The following TRIM62 variants were observed in gnomAD, a reference collection of about 807,000 sequenced individuals.
The protein encoded by TRIM62 is tripartite motif containing 62.
TRIM62 carries 39 observed loss-of-function variants against 44.2 expected under a neutral mutation model. The observed-to-expected ratio is 0.88, with a 90% CI of 0.68 to 1.15. The LOEUF is 1.15. TRIM62 is among the 50% of genes most tolerant of loss of function. The pLI is 0.00. For missense variants in TRIM62, 544 were observed against 665.5 expected (o/e 0.82, Z 2.01); for synonymous variants, 278 against 292.3 (o/e 0.95, Z 0.50).
In TRIM62 at chr1:33,158,276, G is replaced by A. The variant is rs759143672; in HGVS notation, c.854C>T (p.Ser285Phe). 1 of 1,614,034 alleles carries A rather than the reference G, an allele frequency of 6.2e-7. No homozygotes were observed. The highest frequency in any genetic ancestry group is 8.5e-7 in the Non-Finnish European group (1 of 1,179,916). The change falls in exon 4 of 5, where the codon TCC becomes TTC. Residue 285 changes from serine (S) to phenylalanine (F), a missense_variant. Coordinates refer to ENST00000291416, the MANE Select transcript of TRIM62 (RefSeq NM_018207.3). ...ACCTGGGTGGATGTCCTGGAACAGG[G>A]ACTTCCAGATGGTGTACTGCAGGGG... ...TGPLQYTIWKSLFQDIHPVPA... is the reference protein window; with the variant it reads ...TGPLQYTIWKFLFQDIHPVPA...
At chr1:33,158,428 G>T in intron 3 of TRIM62, 60 bp from the exon 4 acceptor site, 5 of 1,459,618 alleles carry the variant, frequency 3.4e-6, no homozygotes, top group Non-Finnish European at 3.8e-6. Context: ...CCAATGCCAG[G>T]GGCCCCGCAG....
chr1:33,147,072 G>T lies in TRIM62; in HGVS notation c.*105C>A. 1 of 1,291,440 alleles carries T rather than the reference G, an allele frequency of 7.7e-7. No individual in the cohort carries two copies. Among genetic ancestry groups the T allele is most frequent in the Non-Finnish European group, 1.1e-6 (1 of 926,896 alleles). 80.0% of individuals were successfully genotyped at this position (1,291,440 alleles called of 1,614,324 possible). ...CTGGAGGGTAAACAACTGGCCTGAG[G>T]TCTCCAGTGGCCACGGTGGGCTGGA... On this transcript the variant is annotated 3_prime_UTR_variant, in exon 5 of 5. Coordinates refer to ENST00000291416, the MANE Select transcript of TRIM62 (RefSeq NM_018207.3). The surrounding 1 kb of genome is among the most constrained non-coding windows in gnomAD (Gnocchi z 8.1).
In TRIM62 at chr1:33,174,905, G is replaced by GTA. The variant is rs1280095431; in HGVS notation, c.408+6118_408+6119dup. The stretch of plus-strand genomic sequence containing the variant: ...GGCTAAAGAAATTATGTGTGTGTGT[G>GTA]TATATATATATATACACACACACAC... On this transcript the variant is annotated intron_variant, in intron 1 of 4. Transcript: ENST00000291416. Among the ~76,000 whole-genome samples, 77 of 147,452 alleles carry GTA rather than the reference G, an allele frequency of 5.2e-4. 1 individual carries two copies. The highest frequency in any genetic ancestry group is 4.0e-3 in the East Asian group (20 of 5,014).
rs1381509740 is a variant in TRIM62 at position 33,167,521 on chromosome 1, A to G, written c.409-1955T>C. Among the ~76,000 whole-genome samples, 1 of 152,094 alleles carries G rather than the reference A, an allele frequency of 6.6e-6. No homozygotes were observed. The highest frequency in any genetic ancestry group is 2.4e-5 in the African/African-American group (1 of 41,424). On this transcript the variant is annotated intron_variant, in intron 1 of 4. Coordinates refer to ENST00000291416, the MANE Select transcript of TRIM62 (RefSeq NM_018207.3). This position sits in a 1 kb window ranked among gnomAD's most constrained non-coding sequence, Gnocchi z 4.2. The stretch of plus-strand genomic sequence containing the variant: ...CTCTTCTTCGTCCCCGTATTGGCCC[A>G]CAAGTCCTCCAGGGTGGCTCCTACT...
chr1:33,154,848 C>G (rs1025488873), intron 4 of TRIM62, among the ~76,000 whole-genome samples: 1 of 150,784 alleles, frequency 6.6e-6, no homozygotes, highest in African/African-American at 2.4e-5. Context: ...AATCCCAGCA[C>G]TTTGGGAGGC....
At chr1:33,179,988 T>TTTTG (rs201963003) in intron 1 of TRIM62, among the ~76,000 whole-genome samples, 7 of 152,120 alleles carry the variant, frequency 4.6e-5, no homozygotes, top group Non-Finnish European at 8.8e-5. Flanking sequence ...GTTCTAATGT[T>TTTTG]TTTGTTTGTT....
rs1245317100 is a variant in TRIM62, at chr1:33,145,718, A to G, written c.*1459T>C. The G allele has an allele frequency of 2.7e-6, 1 of 369,888 alleles. No individual in the cohort carries two copies. The highest frequency in any genetic ancestry group is 5.5e-6 in the Non-Finnish European group (1 of 182,084). 22.9% of individuals were successfully genotyped at this position (369,888 alleles called of 1,614,324 possible). On this transcript the variant is annotated 3_prime_UTR_variant, in exon 5 of 5. Transcript: ENST00000291416. ...GCTCAGTCTTGCAGCCCACTCCTCC[A>G]GTTCCCACCTCTGGGCAGGGATAGA...
rs370155737 is a variant in TRIM62 at position 33,167,735 on chromosome 1, C to G, written c.409-2169G>C. 6.6e-6 allele frequency among the ~76,000 whole-genome samples: 1 copy of G among 152,202 alleles called. No individual in the cohort carries two copies. On this transcript the variant is annotated intron_variant, in intron 1 of 4. Coordinates refer to ENST00000291416, the MANE Select transcript of TRIM62 (RefSeq NM_018207.3). The surrounding 1 kb of genome is among the most constrained non-coding windows in gnomAD (Gnocchi z 4.2). ...CCTCCCTCCCACTCATTCAGCTTGT[C>G]AGACCAGGGAGGGCCTTGGTAAATG...
chr1:33,169,200 GCGA>G (rs1183691596), intron 1 of TRIM62, among the ~76,000 whole-genome samples: 2 of 152,098 alleles, frequency 1.3e-5, no homozygotes, highest in East Asian at 3.9e-4. Context: ...GGGGAATGCT[GCGA>G]TCGTGTTAGG....
rs1431264912 is a variant in TRIM62, at chr1:33,161,223, T to C, written c.505-1279A>G. On this transcript the variant is annotated intron_variant, in intron 2 of 4. Transcript: ENST00000291416. This position sits in a 1 kb window ranked among gnomAD's most constrained non-coding sequence, Gnocchi z 4.3. ...AATAAGCGTTTCCCGGAAGTCTTCA[T>C]TGAGAGACGGGTTCTGAGCCGGGGC... Among the ~76,000 whole-genome samples, 1 of 152,206 alleles carries C rather than the reference T, an allele frequency of 6.6e-6. No homozygotes were observed. Among genetic ancestry groups the C allele is most frequent in the Non-Finnish European group, 1.5e-5 (1 of 68,034 alleles).
chr1:33,170,675 G>T (rs1645367167), intron 1 of TRIM62, among the ~76,000 whole-genome samples: 3 of 152,126 alleles, frequency 2.0e-5, no homozygotes, highest in South Asian at 4.1e-4. Flanking sequence ...AAACCCTAGA[G>T]TCCAGAAGGT....
intron 1 of TRIM62, among the ~76,000 whole-genome samples, chr1:33,174,751 G>C (rs1165044744): frequency 1.3e-5 from 2 of 152,124 alleles, no homozygotes; most frequent in Non-Finnish European, 2.9e-5. Context: ...GCTCAACAGA[G>C]CAAGCCTCAG....
In TRIM62 at chr1:33,181,212, C is replaced by G; in HGVS notation, c.221G>C (p.Arg74Pro). ...GGCGTCCAGCGGGAAGGAGCTGTAG[C>G]GCTCCACGATGTTGGCCAGCTTGAG... The part of the protein sequence containing the change: ...PSLKLANIVE[R>P]YSSFPLDAIL... Residue 74 changes from arginine to proline, a missense_variant, in exon 1 of 5, where the codon CGC becomes CCC. Physicochemically the swap from Arg to Pro is moderately radical, Grantham distance 103 (BLOSUM62 -2). Coordinates refer to ENST00000291416, the MANE Select transcript of TRIM62 (RefSeq NM_018207.3). This position sits in a 1 kb window ranked among gnomAD's most constrained non-coding sequence, Gnocchi z 6.5. 6.3e-7 allele frequency: 1 copy of G among 1,580,678 alleles called. No individual in the cohort carries two copies. Among genetic ancestry groups the G allele is most frequent in the Non-Finnish European group, 8.6e-7 (1 of 1,169,034 alleles).
At chr1:33,175,351 T>G (rs1645411176) in intron 1 of TRIM62, among the ~76,000 whole-genome samples, 1 of 152,052 alleles carries the variant, frequency 6.6e-6, no homozygotes, top group Non-Finnish European at 1.5e-5. Context: ...CCAGAAATTA[T>G]TAAAGGAATC....
intron 4 of TRIM62, among the ~76,000 whole-genome samples, chr1:33,148,339 A>T (rs935582443): frequency 6.6e-6 from 1 of 152,024 alleles, no homozygotes; most frequent in Non-Finnish European, 1.5e-5. Context: ...TAAACATGAA[A>T]TTTTTTTTGC....
At position 33,161,137 on chromosome 1, in the gene TRIM62, G is replaced by A. The variant is rs187960213; in HGVS notation, c.505-1193C>T. ...ATTGTGGTGAAGATGAAATGAGGGG[G>A]TGTTGTTGTGCGCACTCCAAGGCGC... On this transcript the variant is annotated intron_variant, in intron 2 of 4. Coordinates refer to ENST00000291416, the MANE Select transcript of TRIM62 (RefSeq NM_018207.3). The surrounding 1 kb of genome is among the most constrained non-coding windows in gnomAD (Gnocchi z 4.3). 6.6e-6 allele frequency among the ~76,000 whole-genome samples: 1 copy of A among 152,204 alleles called. No individual in the cohort carries two copies. Among genetic ancestry groups the A allele is most frequent in the Non-Finnish European group, 1.5e-5 (1 of 68,030 alleles).
chr1:33,173,439 ATG>A (rs368659472), intron 1 of TRIM62, among the ~76,000 whole-genome samples: 2 of 152,032 alleles, frequency 1.3e-5, no homozygotes, highest in African/African-American at 4.8e-5. Flanking sequence ...GTATGTGTGT[ATG>A]TGTGTGTGTG....
rs1041208352 is a variant in TRIM62 at position 33,161,637 on chromosome 1, C to T, written c.505-1693G>A. The stretch of plus-strand genomic sequence containing the variant: ...GGATGCACGGCCAGGCTGCCGTGGC[C>T]TTCCTGAGCCCCCTCACCCGGGGAG... On this transcript the variant is annotated intron_variant, in intron 2 of 4. Coordinates refer to ENST00000291416, the MANE Select transcript of TRIM62 (RefSeq NM_018207.3). This position sits in a 1 kb window ranked among gnomAD's most constrained non-coding sequence, Gnocchi z 4.3. Among the ~76,000 whole-genome samples, 2 of 152,142 alleles carry T rather than the reference C, an allele frequency of 1.3e-5. No homozygotes were observed. Among genetic ancestry groups the T allele is most frequent in the African/African-American group, 4.8e-5 (2 of 41,434 alleles).
intron 1 of TRIM62, 27 bp downstream of exon 1, chr1:33,180,998 C>T (rs765802043): frequency 3.9e-6 from 6 of 1,550,146 alleles, no homozygotes; most frequent in Non-Finnish European, 5.2e-6. Context: ...GGCCCCGCCC[C>T]TTCCCCAGGC....
Sources: gnomAD v4.1 joint callset for allele counts (sites outside exome capture counted in the v4.1 genomes callset) on GRCh38, gnomAD v4.1.1 for gene constraint, Gnocchi (gnomAD v3.1) non-coding constraint, MANE v1.5 for transcripts, NCBI Gene and HGNC (gene_info 2026-07-23, HGNC 2026-07-21) for gene names.